Variants in ANKRD6 observed in about 807,000 individuals in gnomAD.
The protein encoded by ANKRD6 is ankyrin repeat domain 6.
A neutral mutation model predicts 82.3 loss-of-function variants in ANKRD6; 56 were observed. The observed-to-expected ratio is 0.68, with a 90% CI of 0.55 to 0.85. ANKRD6 has a LOEUF of 0.85. Among genes scored for constraint, ANKRD6 ranks in the 40% least tolerant of loss-of-function variants. ANKRD6 has a pLI of 0.00. For missense variants in ANKRD6, 852 were observed against 907.6 expected (o/e 0.94, Z 0.79); for synonymous variants, 347 against 352.1 (o/e 0.99, Z 0.16).
chr6:89,577,541 A>G (rs540403355), intron 2 of ANKRD6, among the ~76,000 whole-genome samples: 3 of 152,284 alleles, frequency 2.0e-5, no homozygotes, highest in Non-Finnish European at 4.4e-5. Flanking sequence ...AGTGCCAAGC[A>G]TTGGCCATAA....
At chr6:89,607,414 T>C (rs1798975853) in intron 5 of ANKRD6, among the ~76,000 whole-genome samples, 1 of 152,198 alleles carries the variant, frequency 6.6e-6, no homozygotes, top group South Asian at 2.1e-4. Flanking sequence ...AAATCGTAGT[T>C]TTGAAAATAA....
At position 89,557,464 on chromosome 6, in the gene ANKRD6, A is replaced by G. The variant is rs143074655; in HGVS notation, c.-143-9370A>G. Among the ~76,000 whole-genome samples the G allele has an allele frequency of 2.0e-5, 3 of 152,306 alleles. No homozygotes were observed. The East Asian group carries it at 5.8e-4, about 29-fold the overall frequency. ...AGAGAATGGCTCACAGGAACCAAGG[A>G]GGAGGAATTTTGAGGGAGGGATGGT... On this transcript the variant is annotated intron_variant, in intron 1 of 15. Coordinates refer to ENST00000339746, the MANE Select transcript of ANKRD6 (RefSeq NM_001242809.2).
chr6:89,504,562 G>A (rs1280594526), intron 1 of ANKRD6, among the ~76,000 whole-genome samples: 1 of 145,858 alleles, frequency 6.9e-6, no homozygotes, highest in Admixed American at 6.8e-5. Context: ...CTACCCGCCT[G>A]GTTAAATTAA....
chr6:89,611,446 G>A (rs1800235067), intron 5 of ANKRD6, among the ~76,000 whole-genome samples: 1 of 152,196 alleles, frequency 6.6e-6, no homozygotes, highest in South Asian at 2.1e-4. Context: ...TTGCTTTCTT[G>A]TTACTTTTCT....
intron 1 of ANKRD6, among the ~76,000 whole-genome samples, chr6:89,533,727 AGTGTGTGTGTGTGTGTGTGTGT>A (rs59064465): frequency 2.1e-5 from 3 of 142,038 alleles, no homozygotes; most frequent in African/African-American, 8.0e-5. Context: ...AGAGAAAATG[AGTGTGTGTGTGTGTGTGTGTGT>A]GTGTGTGTGT....
chr6:89,471,963 AAGAG>A (rs1219754877), intron 1 of ANKRD6, among the ~76,000 whole-genome samples: 12 of 143,562 alleles, frequency 8.4e-5, no homozygotes, highest in African/African-American at 8.1e-5. Flanking sequence ...AAAAAAAAAA[AAGAG>A]AGAGAGAGAA....
intron 1 of ANKRD6, among the ~76,000 whole-genome samples, chr6:89,436,196 A>G (rs1190135418): frequency 1.3e-5 from 2 of 152,378 alleles, no homozygotes; most frequent in African/African-American, 2.4e-5. Flanking sequence ...CATAATTACT[A>G]ACCGTATGTG....
At chr6:89,462,847 C>T (rs1017982280) in intron 1 of ANKRD6, among the ~76,000 whole-genome samples, 2 of 151,004 alleles carry the variant, frequency 1.3e-5, no homozygotes, top group Admixed American at 6.6e-5. Context: ...ATGTATTGAC[C>T]ACCAAGATGA....
rs1034022747 is a variant in ANKRD6, at chr6:89,631,139, G to A, written c.*135G>A. The stretch of plus-strand genomic sequence containing the variant: ...TTAAAAAAATCACTAATTCTACAAT[G>A]TGCCAGATACATGTTTCCTATGCCC... On this transcript the variant is annotated 3_prime_UTR_variant, in exon 16 of 16. Transcript: ENST00000339746. 16 of 1,380,224 alleles carry A rather than the reference G, an allele frequency of 1.2e-5. No individual in the cohort carries two copies. The highest frequency in any genetic ancestry group is 1.4e-5 in the Non-Finnish European group (15 of 1,064,170). 85.5% of individuals were successfully genotyped at this position (1,380,224 alleles called of 1,614,324 possible). A position where few individuals can be genotyped will look rare whatever the true frequency, so the allele number is the denominator to read the frequency against.
intron 1 of ANKRD6, among the ~76,000 whole-genome samples, chr6:89,501,045 G>C (rs1387406560): frequency 1.3e-5 from 2 of 150,636 alleles, no homozygotes; most frequent in East Asian, 3.9e-4. Context: ...ACTTTGGTAG[G>C]AATGCTCATC....
At chr6:89,596,387 G>C (rs1016898414) in intron 3 of ANKRD6, among the ~76,000 whole-genome samples, 1 of 152,126 alleles carries the variant, frequency 6.6e-6, no homozygotes, top group African/African-American at 2.4e-5. Flanking sequence ...TGCCGGAAAT[G>C]TGTGTCAATG....
chr6:89,578,202 C>T (rs1046527216), intron 2 of ANKRD6, among the ~76,000 whole-genome samples: 3 of 151,854 alleles, frequency 2.0e-5, no homozygotes, highest in Admixed American at 1.3e-4. Context: ...TTTGGTGAGC[C>T]AGGAGAACGA....
At chr6:89,512,739 A>G (rs560345914) in intron 1 of ANKRD6, among the ~76,000 whole-genome samples, 4 of 152,368 alleles carry the variant, frequency 2.6e-5, no homozygotes, top group African/African-American at 9.6e-5. Flanking sequence ...AGCATGTTGC[A>G]CATAAATATC....
intron 1 of ANKRD6, among the ~76,000 whole-genome samples, chr6:89,461,324 A>G (rs898133388): frequency 3.9e-5 from 6 of 152,240 alleles, no homozygotes; most frequent in Non-Finnish European, 7.3e-5. Context: ...CAGGTATCAT[A>G]TATGCCTTTC....
chr6:89,613,872 T>C lies in ANKRD6; in HGVS notation c.597T>C (p.Ser199=). 6.2e-7 allele frequency: 1 copy of C among 1,613,980 alleles called. No individual in the cohort carries two copies. Among genetic ancestry groups the C allele is most frequent in the Non-Finnish European group, 8.5e-7 (1 of 1,179,868 alleles). Residue 199 remains serine, a synonymous_variant, in exon 7 of 16, where the codon TCT becomes TCC. Coordinates refer to ENST00000339746, the MANE Select transcript of ANKRD6 (RefSeq NM_001242809.2). Reference sequence around the variant, plus strand: ...GGCTCCTCCTCACTGCTTTCTGTTCTGTCCATGAAAAGAACCAGGTCAGTG... The same window carrying C: ...GGCTCCTCCTCACTGCTTTCTGTTCCGTCCATGAAAAGAACCAGGTCAGTG... ...IIRLLLTAFC[S]VHEKNQAGDT...
At chr6:89,613,941 A>C in intron 7 of ANKRD6, 51 bp downstream of exon 7, 2 of 1,588,988 alleles carry the variant, frequency 1.3e-6, no homozygotes, top group Admixed American at 3.4e-5. Context: ...CCACAAGGCT[A>C]CCGGACAGGT....
At chr6:89,599,007 G>C (rs1276533015) in intron 3 of ANKRD6, among the ~76,000 whole-genome samples, 4 of 152,048 alleles carry the variant, frequency 2.6e-5, no homozygotes, top group African/African-American at 9.7e-5. Flanking sequence ...GCTGTCCTAG[G>C]CTTATCAATA....
intron 7 of ANKRD6, among the ~76,000 whole-genome samples, chr6:89,616,216 GCCTGCCTGCCCCAGGCCT>G (rs1801538735): frequency 6.6e-6 from 1 of 152,214 alleles, no homozygotes; most frequent in Admixed American, 6.5e-5. Context: ...GGAATGACTA[GCCTGCCTGCCCCAGGCCT>G]CCTGCCTGTC....
intron 1 of ANKRD6, among the ~76,000 whole-genome samples, chr6:89,484,849 G>T (rs1036846706): frequency 6.6e-6 from 1 of 152,202 alleles, no homozygotes; most frequent in Non-Finnish European, 1.5e-5. Context: ...AACTTAATTA[G>T]TGGAGTTTGG....
Sources: gnomAD v4.1 joint callset for allele counts (sites outside exome capture counted in the v4.1 genomes callset) on GRCh38, gnomAD v4.1.1 for gene constraint, MANE v1.5 for transcripts, NCBI Gene and HGNC (gene_info 2026-07-23, HGNC 2026-07-21) for gene names.